SRD5A2: variants seen among roughly 807,000 people sequenced by gnomAD.
SRD5A2 encodes steroid 5 alpha-reductase 2.
In SRD5A2, 30 loss-of-function variants were observed where a neutral mutation model predicts 27.4. The observed-to-expected ratio is 1.10, with a 90% CI of 0.82 to 1.49. The LOEUF is 1.49. Among genes scored for constraint, SRD5A2 ranks in the 40% most tolerant of loss-of-function variants. The pLI is 0.00. For synonymous variants in SRD5A2, 141 were observed against 133.6 expected (o/e 1.06, Z -0.38); for missense variants, 348 against 323.4 (o/e 1.08, Z -0.58).
chr2:31,647,858 A>C, the SRD5A2 span, among the ~76,000 whole-genome samples: 1 of 152,228 alleles, frequency 6.6e-6, no homozygotes, highest in Non-Finnish European at 1.5e-5. Context: ...TTTTTAAAGA[A>C]ACAAATGTAT....
At chr2:31,650,502 G>C in the SRD5A2 span, among the ~76,000 whole-genome samples, 1 of 152,076 alleles carries the variant, frequency 6.6e-6, no homozygotes, top group East Asian at 1.9e-4. Flanking sequence ...TCCTCCTCTA[G>C]ATAGTTTCTC....
At chr2:31,616,515 A>G in the SRD5A2 span, among the ~76,000 whole-genome samples, 1 of 152,226 alleles carries the variant, frequency 6.6e-6, no homozygotes, top group Non-Finnish European at 1.5e-5. Flanking sequence ...ATGGAGCCAA[A>G]GAAGATCGTT....
At chr2:31,530,690 G>A (rs1235067988) in intron 3 of SRD5A2, among the ~76,000 whole-genome samples, 3 of 151,930 alleles carry the variant, frequency 2.0e-5, no homozygotes, top group African/African-American at 7.3e-5. Context: ...CATCAAAAAC[G>A]GTGGAAGCCA....
chr2:31,624,613 T>G, the SRD5A2 span, among the ~76,000 whole-genome samples: 1 of 152,034 alleles, frequency 6.6e-6, no homozygotes, highest in Non-Finnish European at 1.5e-5. Context: ...CGGTGTTTGG[T>G]TTTCTGTCCT....
At chr2:31,625,845 C>T in the SRD5A2 span, among the ~76,000 whole-genome samples, 2 of 152,138 alleles carry the variant, frequency 1.3e-5, no homozygotes, top group African/African-American at 4.8e-5. Flanking sequence ...GCTATGTAGG[C>T]TCTTTTCTGG....
At chr2:31,608,879 T>C in the SRD5A2 span, among the ~76,000 whole-genome samples, 2 of 152,088 alleles carry the variant, frequency 1.3e-5, no homozygotes, top group Admixed American at 6.6e-5. Context: ...AAAATTTATA[T>C]GTGGAAGTTT....
At chr2:31,613,633 T>A in the SRD5A2 span, among the ~76,000 whole-genome samples, 1 of 152,174 alleles carries the variant, frequency 6.6e-6, no homozygotes, top group Non-Finnish European at 1.5e-5. Context: ...AAAAATGGAA[T>A]ATTCATATGA....
At chr2:31,659,425 A>G in the SRD5A2 span, among the ~76,000 whole-genome samples, 1 of 152,188 alleles carries the variant, frequency 6.6e-6, no homozygotes, top group African/African-American at 2.4e-5. Flanking sequence ...TTTCATACCT[A>G]GAAAACCTCA....
At chr2:31,569,570 C>T (rs1666807583) in intron 1 of SRD5A2, among the ~76,000 whole-genome samples, 1 of 151,832 alleles carries the variant, frequency 6.6e-6, no homozygotes, top group African/African-American at 2.4e-5. Context: ...TCATATAATT[C>T]TCCTATTTTT....
At position 31,561,982 on chromosome 2, in the gene SRD5A2, A is replaced by G. The variant is rs562722332; in HGVS notation, c.281+18638T>C. Among the ~76,000 whole-genome samples the G allele has an allele frequency of 1.1e-3, 174 of 152,300 alleles. 2 individuals carry two copies. Among genetic ancestry groups the G allele is most frequent in the African/African-American group, 3.1e-3 (128 of 41,574 alleles). ...GCCACTCATGCTAACTGATTATTAC[A>G]AAATCAAGAAAATACAAATATTGAC... On this transcript the variant is annotated intron_variant, in intron 1 of 4. Coordinates refer to ENST00000622030, the MANE Select transcript of SRD5A2 (RefSeq NM_000348.4).
chr2:31,645,519 C>T, the SRD5A2 span, among the ~76,000 whole-genome samples: 2 of 152,154 alleles, frequency 1.3e-5, no homozygotes, highest in Admixed American at 6.5e-5. Flanking sequence ...ATTTGATTCT[C>T]GTTAGTTCAA....
In SRD5A2 at chr2:31,531,696, C is replaced by A. The variant is rs566415433; in HGVS notation, c.446-224G>T. On this transcript the variant is annotated intron_variant, in intron 2 of 4. Transcript: ENST00000622030. Reference sequence around the variant, plus strand: ...TTGGGCTGAAAGTACACAGTGGCACCACTGATGGAGACAGATTAGAAAAGA... The same window carrying A: ...TTGGGCTGAAAGTACACAGTGGCACAACTGATGGAGACAGATTAGAAAAGA... Among the ~76,000 whole-genome samples, 8 of 152,290 alleles carry A rather than the reference C, an allele frequency of 5.3e-5. No homozygotes were observed. The East Asian group carries it at 5.8e-4, about 11-fold the overall frequency.
intron 1 of SRD5A2, among the ~76,000 whole-genome samples, chr2:31,573,127 G>T (rs1482811729): frequency 1.3e-5 from 2 of 152,100 alleles, no homozygotes; most frequent in East Asian, 3.8e-4. Context: ...TCAAGGACCA[G>T]GTCAAGTCTC....
In SRD5A2 at chr2:31,522,959, A is replaced by G. The variant is rs1435583614; in HGVS notation, c.*3237T>C. The stretch of plus-strand genomic sequence containing the variant: ...ACCACAAAAATCCAAGAGAGCTATT[A>G]TCAAACTTCAGGGTTGTAAAACCAC... On this transcript the variant is annotated 3_prime_UTR_variant, in exon 5 of 5. Coordinates refer to ENST00000622030, the MANE Select transcript of SRD5A2 (RefSeq NM_000348.4). 1 of 221,134 alleles carries G rather than the reference A, an allele frequency of 4.5e-6. No homozygotes were observed. Among genetic ancestry groups the G allele is most frequent in the Non-Finnish European group, 9.0e-6 (1 of 110,574 alleles). The allele number at this position is 221,134 out of a possible 1,614,324, so 13.7% of individuals were successfully genotyped here.
At chr2:31,641,143 T>A in the SRD5A2 span, among the ~76,000 whole-genome samples, 1 of 152,156 alleles carries the variant, frequency 6.6e-6, no homozygotes. Flanking sequence ...TATTTGTTTT[T>A]AGTTTTCTAT....
the SRD5A2 span, among the ~76,000 whole-genome samples, chr2:31,611,181 A>G: frequency 1.3e-5 from 2 of 152,172 alleles, no homozygotes; most frequent in Admixed American, 1.3e-4. Flanking sequence ...CTTTCAGATG[A>G]TTTTAGCCCC....
chr2:31,570,486 C>T (rs138045682), intron 1 of SRD5A2, among the ~76,000 whole-genome samples: 2 of 152,298 alleles, frequency 1.3e-5, no homozygotes, highest in East Asian at 3.9e-4. Flanking sequence ...TACCCTCTCT[C>T]ACCACTCCTT....
intron 3 of SRD5A2, among the ~76,000 whole-genome samples, chr2:31,529,940 A>G (rs554614986): frequency 6.6e-6 from 1 of 152,226 alleles, no homozygotes; most frequent in South Asian, 2.1e-4. Flanking sequence ...CTCTTATGGG[A>G]TTTGCCCCTC....
chr2:31,523,765 G>T lies in SRD5A2; in HGVS notation c.*2431C>A, dbSNP rs1665709350. The T allele has an allele frequency of 4.6e-6, 1 of 219,586 alleles. No homozygotes were observed. Among genetic ancestry groups the T allele is most frequent in the Admixed American group, 5.8e-5 (1 of 17,304 alleles). The allele number at this position is 219,586 out of a possible 1,614,324, so 13.6% of individuals were successfully genotyped here. A position where few individuals can be genotyped will look rare whatever the true frequency, so the allele number is the denominator to read the frequency against. On this transcript the variant is annotated 3_prime_UTR_variant, in exon 5 of 5. Coordinates refer to ENST00000622030, the MANE Select transcript of SRD5A2 (RefSeq NM_000348.4). The stretch of plus-strand genomic sequence containing the variant: ...TGCACCCTATTTTTAAAAGTGGGAA[G>T]AAATATGTTTAGAGATGAGCACATG...
Sources: allele counts gnomAD v4.1 joint callset (sites outside exome capture counted in the v4.1 genomes callset), GRCh38; gene constraint gnomAD v4.1.1; transcripts MANE v1.5; gene names NCBI Gene and HGNC (gene_info 2026-07-23, HGNC 2026-07-21).